The following SMOC2 variants were observed in gnomAD, a reference collection of about 807,000 sequenced individuals.
SMOC2 encodes SPARC related modular calcium binding 2.
Under a neutral mutation model 61.4 loss-of-function variants are expected in SMOC2, and 39 were observed. That is an observed-to-expected ratio of 0.64 (90% CI 0.49 to 0.83). The LOEUF (loss-of-function observed/expected upper bound fraction) is 0.83, where lower values mean the gene tolerates loss of function less well. SMOC2 is among the 40% of genes least tolerant of loss of function. The probability of loss-of-function intolerance (pLI) is 0.00; values close to 1 mark genes in which losing one functional copy is unlikely to be tolerated. For synonymous variants in SMOC2, 247 were observed against 239.9 expected, an observed-to-expected ratio of 1.03 and a Z score of -0.27; for missense variants, 556 against 592.9, an observed-to-expected ratio of 0.94 and a Z score of 0.65.
chr6:168,563,284 T>G (rs1784463601), intron 7 of SMOC2, among the ~76,000 whole-genome samples: 4 of 89,850 alleles, frequency 4.5e-5, no homozygotes, highest in African/African-American at 2.0e-4. Flanking sequence ...GTATGTAAGT[T>G]TTATGTGTGT....
intron 2 of SMOC2, among the ~76,000 whole-genome samples, chr6:168,517,530 C>G (rs1293661634): frequency 6.6e-6 from 1 of 152,248 alleles, no homozygotes; most frequent in African/African-American, 2.4e-5. Context: ...TCCTTTGAAT[C>G]AGCAGCGACA....
chr6:168,455,980 C>T (rs1205866669), intron 1 of SMOC2, among the ~76,000 whole-genome samples: 7 of 151,818 alleles, frequency 4.6e-5, no homozygotes, highest in African/African-American at 9.6e-5. Flanking sequence ...TGTGAAAGGG[C>T]GCGGCACTCA....
At chr6:168,536,860 T>A (rs73258945) in intron 4 of SMOC2, among the ~76,000 whole-genome samples, 2 of 152,302 alleles carry the variant, frequency 1.3e-5, no homozygotes, top group African/African-American at 4.8e-5. Context: ...TGAAGTCGGA[T>A]AGAGCAGAGG....
At chr6:168,589,560 C>G (rs1343428632) in intron 7 of SMOC2, among the ~76,000 whole-genome samples, 1 of 152,246 alleles carries the variant, frequency 6.6e-6, no homozygotes, top group Non-Finnish European at 1.5e-5. Context: ...CAGAGGGAAC[C>G]TGTGGGTTCT....
At chr6:168,486,059 C>T (rs898912122) in intron 1 of SMOC2, among the ~76,000 whole-genome samples, 21 of 152,262 alleles carry the variant, frequency 1.4e-4, no homozygotes, top group Non-Finnish European at 2.6e-4. Context: ...ACCGTTCGTA[C>T]GGTTCCTGTG....
chr6:168,506,469 A>G (rs183185933), intron 1 of SMOC2, among the ~76,000 whole-genome samples: 32 of 152,356 alleles, frequency 2.1e-4, no homozygotes, highest in African/African-American at 5.5e-4. Flanking sequence ...AAACATGTTA[A>G]GATTTGAAGA....
intron 7 of SMOC2, 102 bp downstream of exon 7, chr6:168,549,305 G>T: frequency 9.4e-7 from 1 of 1,063,056 alleles, no homozygotes; most frequent in Non-Finnish European, 1.4e-6. Context: ...GTTGACCCTT[G>T]AACAACATGG....
At chr6:168,473,631 T>A (rs1782016976) in intron 1 of SMOC2, among the ~76,000 whole-genome samples, 1 of 152,154 alleles carries the variant, frequency 6.6e-6, no homozygotes, top group Non-Finnish European at 1.5e-5. Context: ...CGACTCTGTC[T>A]TTGTTAGAAA....
intron 8 of SMOC2, among the ~76,000 whole-genome samples, chr6:168,599,341 A>G (rs1296582819): frequency 1.5e-5 from 2 of 134,552 alleles, no homozygotes; most frequent in South Asian, 5.1e-4. Context: ...ACTCATACCC[A>G]CACACAACCA....
rs1043129940 is a variant in SMOC2, at chr6:168,552,735, C to T, written c.637+3532C>T. On this transcript the variant is annotated intron_variant, in intron 7 of 12. Transcript: ENST00000356284. ...TAGCTACACAATAAAATCATGCCTC[C>T]TGTGGGGTTTGAACCAAATTGGGAT... is the stretch of plus-strand genomic sequence containing the variant. Among the ~76,000 whole-genome samples, 3 of 152,008 alleles carry T rather than the reference C, an allele frequency of 2.0e-5. No homozygotes were observed. The East Asian group carries it at 5.8e-4, about 29-fold the overall frequency.
At chr6:168,507,909 G>C (rs759699620) in intron 1 of SMOC2, among the ~76,000 whole-genome samples, 2 of 152,328 alleles carry the variant, frequency 1.3e-5, no homozygotes, top group Non-Finnish European at 2.9e-5. Flanking sequence ...TCTGGGTGCC[G>C]CTCACCTGTC....
chr6:168,540,744 C>T (rs1299407692), intron 4 of SMOC2, among the ~76,000 whole-genome samples: 1 of 152,194 alleles, frequency 6.6e-6, no homozygotes, highest in Non-Finnish European at 1.5e-5. Flanking sequence ...GAGAACGCAG[C>T]CCTTGCTGTT....
chr6:168,570,546 C>G (rs573244427), intron 7 of SMOC2, among the ~76,000 whole-genome samples: 7 of 152,196 alleles, frequency 4.6e-5, no homozygotes, highest in Admixed American at 1.3e-4. Context: ...GGATATATTT[C>G]ACCTCTTTTG....
chr6:168,652,279 G>T (rs190565584), intron 10 of SMOC2, among the ~76,000 whole-genome samples: 1 of 152,232 alleles, frequency 6.6e-6, no homozygotes, highest in East Asian at 1.9e-4. Flanking sequence ...AATTGGCAAT[G>T]GTGTCGGAGT....
chr6:168,482,096 C>A (rs1293127911), intron 1 of SMOC2, among the ~76,000 whole-genome samples: 2 of 151,158 alleles, frequency 1.3e-5, no homozygotes, highest in Admixed American at 6.6e-5. Context: ...ATTAGTGAAA[C>A]AAAAAATTGG....
In SMOC2 at chr6:168,443,209, G is replaced by T. The variant is rs570735636; in HGVS notation, c.84+1755G>T. ...CATCTGCCTGCTGCCCTGTGTGTGT[G>T]GGGGGTGGGGTTGGGCCTGTTGGTC... On this transcript the variant is annotated intron_variant, in intron 1 of 12. Coordinates refer to ENST00000356284, the MANE Select transcript of SMOC2 (RefSeq NM_001166412.2). Among the ~76,000 whole-genome samples, 4 of 152,316 alleles carry T rather than the reference G, an allele frequency of 2.6e-5. No individual in the cohort carries two copies. The East Asian group carries it at 7.7e-4, about 29-fold the overall frequency.
At chr6:168,664,037 T>C in intron 11 of SMOC2, 37 bp from the exon 12 acceptor site, 1 of 1,562,916 alleles carries the variant, frequency 6.4e-7, no homozygotes, top group South Asian at 1.1e-5. Flanking sequence ...ATAATGAGTC[T>C]CTGATTTTTA....
rs1173326762 is a variant in SMOC2 at position 168,452,364 on chromosome 6, A to T, written c.84+10910A>T. ...TTTTGGTTTTAAAATAACCAGAGTA[A>T]GCAGGGGGAGTGTGAGGCGGGCTGC... On this transcript the variant is annotated intron_variant, in intron 1 of 12. Transcript: ENST00000356284. The surrounding 1 kb of genome is among the most constrained non-coding windows in gnomAD (Gnocchi z 5.0). 2.0e-5 allele frequency among the ~76,000 whole-genome samples: 3 copies of T among 152,206 alleles called. No homozygotes were observed. The highest frequency in any genetic ancestry group is 4.4e-5 in the Non-Finnish European group (3 of 68,038).
chr6:168,572,943 AC>A (rs1784701965), intron 7 of SMOC2, among the ~76,000 whole-genome samples: 1 of 92,958 alleles, frequency 1.1e-5, no homozygotes. Context: ...TGGTGCCGGG[AC>A]CAGGGCTGCG....
Sources: gnomAD v4.1 joint callset for allele counts (sites outside exome capture counted in the v4.1 genomes callset) on GRCh38, gnomAD v4.1.1 for gene constraint, Gnocchi (gnomAD v3.1) non-coding constraint, MANE v1.5 for transcripts, NCBI Gene and HGNC (gene_info 2026-07-23, HGNC 2026-07-21) for gene names.